Variants in PROS1 observed in about 807,000 individuals in gnomAD.
PROS1 encodes protein S.
Under a neutral mutation model 75.9 loss-of-function variants are expected in PROS1, and 29 were observed. That is an observed-to-expected ratio of 0.38 (90% CI 0.28 to 0.52). The LOEUF (loss-of-function observed/expected upper bound fraction) is 0.52, where lower values mean the gene tolerates loss of function less well. PROS1 is among the 20% of genes least tolerant of loss of function. The pLI is 0.83. For missense variants in PROS1, 680 were observed against 810.3 expected (o/e 0.84, Z 1.95); for synonymous variants, 245 against 280.6 (o/e 0.87, Z 1.27).
At chr3:93,927,913 G>GTATATATATATGTGTATATATATATGTA (rs1559941442) in intron 1 of PROS1, among the ~76,000 whole-genome samples, 8 of 128,336 alleles carry the variant, frequency 6.2e-5, no homozygotes, top group Admixed American at 3.4e-4. Context: ...GTGTGTGTGT[G>GTATATATATATGTGTATATATATATGTA]TATATATATA....
intron 9 of PROS1, among the ~76,000 whole-genome samples, chr3:93,894,685 G>C (rs914159387): frequency 2.6e-5 from 4 of 152,104 alleles, no homozygotes; most frequent in African/African-American, 9.7e-5. Flanking sequence ...GAATGAATTT[G>C]TTGACATTTA....
At position 93,973,825 on chromosome 3, in the gene PROS1, T is replaced by C. The variant is rs1709931547; in HGVS notation, c.-76A>G. ...ACCGGAGCGCTAGGCGCCGCGGAGC[T>C]GCGAGCCTGTGCGCCTCGGTCTGAG... On this transcript the variant is annotated 5_prime_UTR_variant, in exon 1 of 15. Coordinates refer to ENST00000394236, the MANE Select transcript of PROS1 (RefSeq NM_000313.4). 1 of 1,263,800 alleles carries C rather than the reference T, an allele frequency of 7.9e-7. No homozygotes were observed. The highest frequency in any genetic ancestry group is 1.1e-6 in the Non-Finnish European group (1 of 914,366). The allele number at this position is 1,263,800 out of a possible 1,614,324, so 78.3% of individuals were successfully genotyped here.
rs1207770889 is a variant in PROS1, at chr3:93,906,067, A to G, written c.423T>C (p.Phe141=). The change falls in exon 5 of 15, where the codon TTT becomes TTC. Residue 141 remains phenylalanine, a synonymous_variant. Transcript: ENST00000394236. ...GCCAACCTGGTTTACAAGTGCAAGT[A>G]AAAGAAGCTTTTCCATCTTTGCAGC... is the stretch of plus-strand genomic sequence containing the variant. ...YMSCKDGKAS[F]TCTCKPGWQG... The G allele has an allele frequency of 6.2e-7, 1 of 1,614,188 alleles. No individual in the cohort carries two copies. The highest frequency in any genetic ancestry group is 8.5e-7 in the Non-Finnish European group (1 of 1,180,032).
At chr3:93,888,334 G>C (rs1187568075) in intron 10 of PROS1, among the ~76,000 whole-genome samples, 1 of 152,110 alleles carries the variant, frequency 6.6e-6, no homozygotes, top group Non-Finnish European at 1.5e-5. Context: ...ATGCATAGAA[G>C]CAAGCTTTGA....
intron 1 of PROS1, among the ~76,000 whole-genome samples, chr3:93,970,296 C>T (rs1160863511): frequency 6.6e-5 from 10 of 152,218 alleles, no homozygotes; most frequent in South Asian, 6.2e-4. Context: ...CACCACATGC[C>T]TTAAGTGGGA....
At chr3:93,926,724 C>T (rs562214207) in intron 2 of PROS1, among the ~76,000 whole-genome samples, 20 of 152,330 alleles carry the variant, frequency 1.3e-4, no homozygotes, top group East Asian at 5.8e-4. Flanking sequence ...CGCGCGCACA[C>T]GCACACACAC....
intron 10 of PROS1, among the ~76,000 whole-genome samples, chr3:93,888,816 C>T (rs1708387012): frequency 6.6e-6 from 1 of 152,104 alleles, no homozygotes. Flanking sequence ...AAGCCATTAG[C>T]TTCTGATTGG....
At chr3:93,888,351 T>C (rs1446867343) in intron 10 of PROS1, among the ~76,000 whole-genome samples, 2 of 152,144 alleles carry the variant, frequency 1.3e-5, no homozygotes, top group African/African-American at 2.4e-5. Context: ...TTGACAAGTG[T>C]TATAGTTATA....
rs1032910106 is a variant in PROS1, at chr3:93,894,645, T to C, written c.966-1523A>G. ...CATTACAATGGGGAACAATTCATTC[T>C]TTTTCACAAGCATGGTAAACAGGAA... On this transcript the variant is annotated intron_variant, in intron 9 of 14. Transcript: ENST00000394236. Among the ~76,000 whole-genome samples, 23 of 152,262 alleles carry C rather than the reference T, an allele frequency of 1.5e-4. No homozygotes were observed. The South Asian group carries it at 1.7e-3, about 11-fold the overall frequency.
chr3:93,878,011 T>C (rs1472234678), intron 13 of PROS1, among the ~76,000 whole-genome samples: 1 of 152,134 alleles, frequency 6.6e-6, no homozygotes, highest in Non-Finnish European at 1.5e-5. Flanking sequence ...ATAAAGAAAA[T>C]GCTCCAAAAT....
chr3:93,907,369 C>T (rs1708691457), intron 4 of PROS1, among the ~76,000 whole-genome samples: 1 of 152,138 alleles, frequency 6.6e-6, no homozygotes, highest in Non-Finnish European at 1.5e-5. Flanking sequence ...TCTCCAGGCC[C>T]TCCTCTGCTG....
At chr3:93,939,288 G>A (rs1420339195) in intron 1 of PROS1, among the ~76,000 whole-genome samples, 1 of 151,958 alleles carries the variant, frequency 6.6e-6, no homozygotes, top group Non-Finnish European at 1.5e-5. Context: ...TCCCTCCCTA[G>A]TCTCTGTTCC....
intron 10 of PROS1, among the ~76,000 whole-genome samples, chr3:93,891,001 A>G (rs1208268445): frequency 6.6e-6 from 1 of 152,098 alleles, no homozygotes; most frequent in Non-Finnish European, 1.5e-5. Flanking sequence ...GCTACTCGAG[A>G]GGCTGAGACA....
intron 5 of PROS1, 25 bp downstream of exon 5, chr3:93,905,996 G>C: frequency 1.2e-6 from 2 of 1,613,794 alleles, no homozygotes; most frequent in Non-Finnish European, 1.7e-6. Flanking sequence ...CTGATGAGCT[G>C]GGGGGCGGGG....
intron 4 of PROS1, among the ~76,000 whole-genome samples, 170 bp from the exon 5 acceptor site, chr3:93,906,313 T>C (rs1160258667): frequency 6.6e-6 from 1 of 152,124 alleles, no homozygotes; most frequent in East Asian, 1.9e-4. Context: ...ATTAGGCAAA[T>C]CTTTATAATT....
intron 1 of PROS1, among the ~76,000 whole-genome samples, chr3:93,942,795 T>C (rs1027429591): frequency 2.3e-4 from 35 of 152,182 alleles, no homozygotes; most frequent in Admixed American, 2.2e-3. Flanking sequence ...CTCAAGGAAA[T>C]CACTTCTCAG....
intron 3 of PROS1, among the ~76,000 whole-genome samples, chr3:93,919,882 G>A (rs1708919181): frequency 6.6e-6 from 1 of 152,038 alleles, no homozygotes; most frequent in South Asian, 2.1e-4. Context: ...ATATTAGGTT[G>A]TCATAGATAT....
intron 14 of PROS1, 49 bp downstream of exon 14, chr3:93,876,917 G>T: frequency 1.7e-6 from 2 of 1,201,944 alleles, no homozygotes; most frequent in Non-Finnish European, 2.4e-6. Context: ...AATATTATCG[G>T]TTTGATTAAA....
intron 12 of PROS1, among the ~76,000 whole-genome samples, chr3:93,884,013 C>G (rs981974877): frequency 7.2e-5 from 11 of 152,102 alleles, no homozygotes; most frequent in African/African-American, 2.7e-4. Flanking sequence ...AATCCTGGCA[C>G]CAACAAAACT....
Sources: gnomAD v4.1 joint callset for allele counts (sites outside exome capture counted in the v4.1 genomes callset) on GRCh38, gnomAD v4.1.1 for gene constraint, MANE v1.5 for transcripts, NCBI Gene and HGNC (gene_info 2026-07-23, HGNC 2026-07-21) for gene names.